The following TFDP2 variants were observed in gnomAD, a reference collection of about 807,000 sequenced individuals.
TFDP2 encodes transcription factor Dp-2, also known as transcription factor Dp-2 (E2F dimerization partner 2).
In TFDP2, 17 loss-of-function variants were observed where a neutral mutation model predicts 59.3. The observed-to-expected ratio is 0.29, with a 90% CI of 0.20 to 0.43. The LOEUF is 0.43. Among genes scored for constraint, TFDP2 ranks in the 20% least tolerant of loss-of-function variants. TFDP2 has a pLI of 1.00. For missense variants in TFDP2, 391 were observed against 528.8 expected, an observed-to-expected ratio of 0.74 and a Z score of 2.56; for synonymous variants, 180 against 194.7, an observed-to-expected ratio of 0.92 and a Z score of 0.63.
At chr3:142,114,144 G>C (rs113407286) in intron 1 of TFDP2, among the ~76,000 whole-genome samples, 1 of 149,786 alleles carries the variant, frequency 6.7e-6, no homozygotes, top group African/African-American at 2.5e-5. Flanking sequence ...CAGCCCGGGC[G>C]ACAAAGCGAG....
rs1294485339 is a variant in TFDP2 at position 141,977,125 on chromosome 3, TTTTC to T, written c.519+1391_519+1394del. ...ATATATATTTTTTTTTTTTTTTTTTTTTTCCCCCCAAAGAGACGAAGTCTTGCTT... is the reference window on the plus strand; with the variant it reads ...ATATATATTTTTTTTTTTTTTTTTTTCCCCCAAAGAGACGAAGTCTTGCTT... On this transcript the variant is annotated intron_variant, in intron 7 of 12. Coordinates refer to ENST00000489671, the MANE Select transcript of TFDP2 (RefSeq NM_001178139.2). 2.1e-4 allele frequency among the ~76,000 whole-genome samples: 23 copies of T among 111,534 alleles called. No homozygotes were observed. In the South Asian group the frequency reaches 5.4e-3, roughly 26 times the overall value. 73.2% of individuals were successfully genotyped at this position (111,534 alleles called of 152,430 possible).
intron 3 of TFDP2, among the ~76,000 whole-genome samples, chr3:142,011,462 G>C (rs1944677361): frequency 9.6e-6 from 1 of 104,142 alleles, no homozygotes; most frequent in African/African-American, 3.6e-5. Context: ...AGGGGGGAGG[G>C]ATAGCATTGG....
At chr3:142,005,565 T>C in intron 3 of TFDP2, 21 bp from the exon 4 acceptor site, 1 of 1,543,470 alleles carries the variant, frequency 6.5e-7, no homozygotes, top group Non-Finnish European at 8.8e-7. Context: ...ATCAAAACAT[T>C]AAGTTAGTAT....
At position 141,947,731 on chromosome 3, in the gene TFDP2, G is replaced by A. The variant is rs1935407688; in HGVS notation, c.*4782C>T. Reference sequence around the variant, plus strand: ...GTTCCCAAACAGACTCCAAAATGAAGGCTTGAAACTGGAACAGTGGGGCCT... The same window carrying A: ...GTTCCCAAACAGACTCCAAAATGAAAGCTTGAAACTGGAACAGTGGGGCCT... On this transcript the variant is annotated 3_prime_UTR_variant, in exon 13 of 13. Transcript: ENST00000489671. 1 of 152,234 alleles carries A rather than the reference G, an allele frequency of 6.6e-6. No homozygotes were observed. Among genetic ancestry groups the A allele is most frequent in the African/African-American group, 2.4e-5 (1 of 41,454 alleles). 9.4% of individuals were successfully genotyped at this position (152,234 alleles called of 1,614,324 possible).
chr3:142,070,197 G>A lies in TFDP2; in HGVS notation c.82+22864C>T, dbSNP rs962793721. Among the ~76,000 whole-genome samples the A allele has an allele frequency of 7.2e-5, 11 of 152,084 alleles. No homozygotes were observed. The South Asian group carries it at 1.0e-3, about 14-fold the overall frequency. ...GCTGGGATTATAGGCGTGAGCCACCGCACCTGGCCCAAACTTCTTTTTTTC... is the reference window on the plus strand; with the variant it reads ...GCTGGGATTATAGGCGTGAGCCACCACACCTGGCCCAAACTTCTTTTTTTC... On this transcript the variant is annotated intron_variant, in intron 3 of 12. Coordinates refer to ENST00000489671, the MANE Select transcript of TFDP2 (RefSeq NM_001178139.2).
intron 11 of TFDP2, among the ~76,000 whole-genome samples, chr3:141,959,466 T>C (rs144546760): frequency 1.6e-3 from 242 of 152,278 alleles, no homozygotes; most frequent in African/African-American, 5.4e-3. Flanking sequence ...GTATATAATG[T>C]GTGGTGTATA....
chr3:142,078,325 A>G (rs1224380074), intron 3 of TFDP2, among the ~76,000 whole-genome samples: 1 of 152,134 alleles, frequency 6.6e-6, no homozygotes, highest in Non-Finnish European at 1.5e-5. Flanking sequence ...CAGGGCCTTG[A>G]GCAAGACCCA....
intron 1 of TFDP2, among the ~76,000 whole-genome samples, chr3:142,136,901 A>C (rs962302267): frequency 4.6e-5 from 7 of 152,020 alleles, no homozygotes; most frequent in African/African-American, 1.7e-4. Context: ...TGAACTTTTA[A>C]GTAGTTTTTT....
intron 1 of TFDP2, among the ~76,000 whole-genome samples, chr3:142,122,419 C>T (rs1211691019): frequency 1.3e-5 from 2 of 152,196 alleles, no homozygotes; most frequent in African/African-American, 4.8e-5. Context: ...TACCTAGGAT[C>T]ACTTCCAATA....
intron 3 of TFDP2, chr3:142,029,154 T>A (rs1946299611): frequency 6.6e-6 from 1 of 152,028 alleles, no homozygotes; most frequent in Non-Finnish European, 1.5e-5. Context: ...GCACCACGAG[T>A]TTCAGGGGGA....
At chr3:142,139,213 G>A (rs2062846554) in intron 1 of TFDP2, among the ~76,000 whole-genome samples, 1 of 151,982 alleles carries the variant, frequency 6.6e-6, no homozygotes, top group South Asian at 2.1e-4. Flanking sequence ...CTTTCCATCT[G>A]CTTGGTAGAT....
chr3:141,965,430 G>A (rs542705654), intron 9 of TFDP2, among the ~76,000 whole-genome samples: 2 of 151,460 alleles, frequency 1.3e-5, no homozygotes, highest in South Asian at 4.2e-4. Context: ...CTAGGAGTTG[G>A]AGGATGCAGT....
chr3:142,148,271 G>C (rs966573365), intron 1 of TFDP2, among the ~76,000 whole-genome samples: 1 of 152,180 alleles, frequency 6.6e-6, no homozygotes, highest in Non-Finnish European at 1.5e-5. Flanking sequence ...GAGATGGAAT[G>C]AGGAAAAGAT....
chr3:141,982,386 C>CT (rs201089228), intron 6 of TFDP2, among the ~76,000 whole-genome samples: 17 of 150,618 alleles, frequency 1.1e-4, no homozygotes, highest in Middle Eastern at 3.4e-3. Context: ...TTTTCTTCTT[C>CT]TTTTTTTTTA....
intron 1 of TFDP2, among the ~76,000 whole-genome samples, chr3:142,116,683 G>A (rs990930601): frequency 6.6e-6 from 1 of 152,108 alleles, no homozygotes; most frequent in Non-Finnish European, 1.5e-5. Flanking sequence ...CACTATTATA[G>A]TTACACCTAG....
At chr3:141,959,563 G>A (rs887567048) in intron 11 of TFDP2, 111 bp downstream of exon 11, 3 of 1,178,500 alleles carry the variant, frequency 2.5e-6, no homozygotes, top group Admixed American at 4.5e-5. Flanking sequence ...TCAGTTTGTC[G>A]ACACAAGCAC....
At chr3:142,068,984 C>T (rs749655403) in intron 3 of TFDP2, among the ~76,000 whole-genome samples, 20 of 152,118 alleles carry the variant, frequency 1.3e-4, no homozygotes, top group Non-Finnish European at 2.5e-4. Context: ...GGCGCAATGT[C>T]GGCTCAATGC....
chr3:142,105,801 A>G (rs909079590), intron 1 of TFDP2, among the ~76,000 whole-genome samples: 12 of 152,222 alleles, frequency 7.9e-5, no homozygotes, highest in African/African-American at 2.9e-4. Context: ...TGTTTGAAAT[A>G]AAGCCAAAGC....
At chr3:142,103,857 CAAGT>C (rs1193823409) in intron 1 of TFDP2, among the ~76,000 whole-genome samples, 2 of 151,542 alleles carry the variant, frequency 1.3e-5, no homozygotes, top group Non-Finnish European at 2.9e-5. Flanking sequence ...TTTGAATCTA[CAAGT>C]AAAATTTTGT....
Sources: gnomAD v4.1 joint callset for allele counts (sites outside exome capture counted in the v4.1 genomes callset) on GRCh38, gnomAD v4.1.1 for gene constraint, MANE v1.5 for transcripts, NCBI Gene and HGNC (gene_info 2026-07-23, HGNC 2026-07-21) for gene names.